IFT172: variants seen among roughly 807,000 people sequenced by gnomAD.
IFT172 encodes intraflagellar transport protein 172 homolog.
Under a neutral mutation model 248.9 loss-of-function variants are expected in IFT172, and 164 were observed. That is an observed-to-expected ratio of 0.66 (90% CI 0.58 to 0.75). The LOEUF is 0.75. Ranked by LOEUF, IFT172 falls within the 30% of genes least tolerant of loss-of-function variation. IFT172 has a pLI of 0.00. For synonymous variants in IFT172, 729 were observed against 791.6 expected, an observed-to-expected ratio of 0.92 and a Z score of 1.33; for missense variants, 1,950 against 2,192.4, an observed-to-expected ratio of 0.89 and a Z score of 2.21.
chr2:27,477,714 T>C (rs1668072359), intron 11 of IFT172, 102 bp from the exon 12 acceptor site: 6 of 920,850 alleles, frequency 6.5e-6, no homozygotes, highest in Non-Finnish European at 1.1e-5. Flanking sequence ...TATATTTATG[T>C]AGGCTTTGGC....
Position 27,453,753 on chromosome 2 carries a change from C to G in IFT172, c.3712-14G>C. 6.2e-7 allele frequency: 1 copy of G among 1,608,732 alleles called. No individual in the cohort carries two copies. The highest frequency in any genetic ancestry group is 8.5e-7 in the Non-Finnish European group (1 of 1,178,272). ...TAATCCAGCCTCCTGCTCAGATTTC[C>G]AGGTATCAAGAGGGCAGAGGCAGGC... On this transcript the variant is annotated splice_polypyrimidine_tract_variant and intron_variant, in intron 33 of 47. Coordinates refer to ENST00000260570, the MANE Select transcript of IFT172 (RefSeq NM_015662.3).
chr2:27,467,113 TAAGC>T (rs1029280402), intron 16 of IFT172, among the ~76,000 whole-genome samples: 1 of 152,088 alleles, frequency 6.6e-6, no homozygotes, highest in African/African-American at 2.4e-5. Context: ...AATGAAAAAT[TAAGC>T]AAGGAATAAG....
Position 27,462,802 on chromosome 2 carries a change from G to A in IFT172, c.2023-9C>T. 6.2e-7 allele frequency: 1 copy of A among 1,613,414 alleles called. No individual in the cohort carries two copies. Among genetic ancestry groups the A allele is most frequent in the African/African-American group, 1.3e-5 (1 of 74,996 alleles). On this transcript the variant is annotated splice_polypyrimidine_tract_variant and intron_variant, in intron 19 of 47. Coordinates refer to ENST00000260570, the MANE Select transcript of IFT172 (RefSeq NM_015662.3). ...TCTGTTCCTTCTCCGCCCTGTGGGG[G>A]AAAAAGGAGGTTCTGATTTTTCTGT...
chr2:27,454,724 C>T lies in IFT172; in HGVS notation c.3372-64G>A. ...GCTTCCCTTCATAAAAGGAACAAGA[C>T]AAAACAGAGAAAGGACAGAGTTGAG... On this transcript the variant is annotated intron_variant, in intron 30 of 47. Transcript: ENST00000260570. The surrounding 1 kb of genome is among the most constrained non-coding windows in gnomAD (Gnocchi z 4.2). The T allele has an allele frequency of 7.2e-7, 1 of 1,385,588 alleles. No individual in the cohort carries two copies. 85.8% of individuals were successfully genotyped at this position (1,385,588 alleles called of 1,614,324 possible). A position where few individuals can be genotyped will look rare whatever the true frequency, so the allele number is the denominator to read the frequency against.
chr2:27,463,733 C>T lies in IFT172; in HGVS notation c.1938-552G>A, dbSNP rs575792032. On this transcript the variant is annotated intron_variant, in intron 18 of 47. Transcript: ENST00000260570. Reference sequence around the variant, plus strand: ...TGACATTTGAGCTGAGACCTGAATACAAGAAAAAGCCAGTCATGGCAGGAT... The same window carrying T: ...TGACATTTGAGCTGAGACCTGAATATAAGAAAAAGCCAGTCATGGCAGGAT... Among the ~76,000 whole-genome samples the T allele has an allele frequency of 3.3e-5, 5 of 152,038 alleles. No individual in the cohort carries two copies. The East Asian group carries it at 9.6e-4, about 29-fold the overall frequency.
intron 30 of IFT172, chr2:27,455,681 A>T (rs1666097406): frequency 3.7e-6 from 1 of 273,862 alleles, no homozygotes; most frequent in Admixed American, 5.3e-5. Context: ...ACTGCACTCC[A>T]GCCTGGGCAA....
At chr2:27,447,769 G>C (rs1311334157) in intron 41 of IFT172, 43 bp downstream of exon 41, 1 of 1,594,862 alleles carries the variant, frequency 6.3e-7, no homozygotes, top group Non-Finnish European at 8.6e-7. Context: ...TCAAAGAAGA[G>C]ATGAGGACAA....
Position 27,446,314 on chromosome 2 carries a change from G to A in IFT172, c.4701C>T (p.His1567=). Residue 1567 remains histidine, a synonymous_variant, in exon 43 of 48, where the codon CAC becomes CAT. Coordinates refer to ENST00000260570, the MANE Select transcript of IFT172 (RefSeq NM_015662.3). The stretch of plus-strand genomic sequence containing the variant: ...CTTTGTCTACAGGTAGTAGCTGGGT[G>A]TGACGCAAGAGTGAAACAGAAAGCC... ...AARLSVSLLR[H]TQLLPVDKAF... 6.2e-7 allele frequency: 1 copy of A among 1,614,244 alleles called. No individual in the cohort carries two copies. The highest frequency in any genetic ancestry group is 1.1e-5 in the South Asian group (1 of 91,082).
At chr2:27,462,933 G>C (rs934593238) in intron 19 of IFT172, 140 bp from the exon 20 acceptor site, 10 of 1,159,466 alleles carry the variant, frequency 8.6e-6, no homozygotes, top group Non-Finnish European at 1.3e-5. Context: ...AAAGGTTTGA[G>C]GTTTAGCAAA....
chr2:27,475,157 G>A (rs933152714), intron 14 of IFT172, among the ~76,000 whole-genome samples: 28 of 152,112 alleles, frequency 1.8e-4, no homozygotes, highest in African/African-American at 6.3e-4. Context: ...TATATATCAC[G>A]TTTAAGCCAA....
At position 27,471,115 on chromosome 2, in the gene IFT172, G is replaced by C. The variant is rs1267386439; in HGVS notation, c.1525-20C>G. On this transcript the variant is annotated intron_variant, in intron 15 of 47. Transcript: ENST00000260570. The stretch of plus-strand genomic sequence containing the variant: ...ATGCAACTGAAGAAAGAAAAGGCAG[G>C]TAACACAATTACAAGGGGATGTGGG... 1.9e-6 allele frequency: 3 copies of C among 1,604,924 alleles called. No homozygotes were observed. The highest frequency in any genetic ancestry group is 2.5e-6 in the Non-Finnish European group (3 of 1,177,626).
chr2:27,454,613 T>C lies in IFT172; in HGVS notation c.3419A>G (p.Lys1140Arg). 1 of 1,614,050 alleles carries C rather than the reference T, an allele frequency of 6.2e-7. No homozygotes were observed. Among genetic ancestry groups the C allele is most frequent in the Middle Eastern group, 1.6e-4 (1 of 6,062 alleles). ...FELSRLALKHKTPEVHLKYAM... is the reference protein window; with the variant it reads ...FELSRLALKHRTPEVHLKYAM... ...ATATTTGAGATGAACCTCGGGGGTT[T>C]TGTGCTTGAGGGCCAGCCGAGAGAG... The change falls in exon 31 of 48, where the codon AAA becomes AGA. Residue 1140 changes from lysine to arginine, a missense_variant. Physicochemically the swap from Lys to Arg is conservative, Grantham distance 26. This residue lies in a region of IFT172 where 164 missense variants were observed against 239.3 expected (regional missense o/e 0.69). Coordinates refer to ENST00000260570, the MANE Select transcript of IFT172 (RefSeq NM_015662.3). This position sits in a 1 kb window ranked among gnomAD's most constrained non-coding sequence, Gnocchi z 4.2.
At chr2:27,455,452 T>TAAA in intron 30 of IFT172, 2 of 239,526 alleles carry the variant, frequency 8.3e-6, no homozygotes, top group South Asian at 9.3e-5. Flanking sequence ...CTCACGCCTG[T>TAAA]AATCCCAGCA....
chr2:27,477,477 C>T, intron 12 of IFT172, 82 bp downstream of exon 12: 1 of 1,239,888 alleles, frequency 8.1e-7, no homozygotes, highest in Non-Finnish European at 1.2e-6. Flanking sequence ...GTTTCCCTAT[C>T]CCTTGCAACT....
chr2:27,457,647 C>T lies in IFT172; in HGVS notation c.3220G>A (p.Ala1074Thr), dbSNP rs1488393984. The T allele has an allele frequency of 6.2e-7, 1 of 1,613,780 alleles. No homozygotes were observed. The highest frequency in any genetic ancestry group is 1.7e-5 in the Admixed American group (1 of 60,028). ...MYRASGLWEE[A>T]YRVARTQGGA... ...TGGCCTGAACTCCTTACCCTGTAGGCCTCTTCCCAAAGCCCACTGGCCCGG... is the reference window on the plus strand; with the variant it reads ...TGGCCTGAACTCCTTACCCTGTAGGTCTCTTCCCAAAGCCCACTGGCCCGG... Residue 1074 changes from alanine (A) to threonine (T), a missense_variant, in exon 29 of 48, where the codon GCC (alanine) becomes ACC (threonine). Physicochemically the swap from Ala to Thr is moderately conservative, Grantham distance 58. Coordinates refer to ENST00000260570, the MANE Select transcript of IFT172 (RefSeq NM_015662.3).
chr2:27,488,151 T>A, intron 1 of IFT172, among the ~76,000 whole-genome samples: 1 of 151,668 alleles, frequency 6.6e-6, no homozygotes, highest in African/African-American at 2.4e-5. Context: ...CGAGGCTATT[T>A]AAAAAAAATT....
At chr2:27,461,702 T>G in intron 21 of IFT172, 57 bp downstream of exon 21, 1 of 1,606,586 alleles carries the variant, frequency 6.2e-7, no homozygotes, top group South Asian at 1.1e-5. Context: ...CAAAAGGAGG[T>G]TTTTGAAATT....
chr2:27,476,028 T>C (rs1244907759), intron 14 of IFT172, among the ~76,000 whole-genome samples: 1 of 152,126 alleles, frequency 6.6e-6, no homozygotes, highest in Non-Finnish European at 1.5e-5. Context: ...TATGAACATA[T>C]AAGATTTATA....
In IFT172 at chr2:27,448,936, G is replaced by A. The variant is rs761583320; in HGVS notation, c.4407C>T (p.His1469=). 3.6e-5 allele frequency: 57 copies of A among 1,587,632 alleles called. No individual in the cohort carries two copies. In the Middle Eastern group the frequency reaches 5.0e-4, roughly 14 times the overall value. The change falls in exon 40 of 48, where the codon CAC becomes CAT. Residue 1469 remains histidine, a synonymous_variant. Transcript: ENST00000260570. ...GTACCTGTGGGTTAGCAGGGGCTCC[G>A]TGCTGTACATACAGGGCCAATGCCT... ...SAQALALYVQ[H]GAPANPQNFN...
Sources: allele counts gnomAD v4.1 joint callset (sites outside exome capture counted in the v4.1 genomes callset), GRCh38; gene constraint gnomAD v4.1.1; regional missense constraint gnomAD v4.1.1; non-coding constraint Gnocchi (gnomAD v3.1); transcripts MANE v1.5; gene names NCBI Gene and HGNC (gene_info 2026-07-23, HGNC 2026-07-21).